COMMD1: variants seen among roughly 807,000 people sequenced by gnomAD.
The protein encoded by COMMD1 is COMM domain-containing protein 1.
A neutral mutation model predicts 17.2 loss-of-function variants in COMMD1; 10 were observed. That is an observed-to-expected ratio of 0.58 (90% CI 0.36 to 0.99). COMMD1 has a LOEUF of 0.99. Ranked by LOEUF, COMMD1 falls within the 50% of genes least tolerant of loss-of-function variation. COMMD1 has a pLI of 0.01. For missense variants in COMMD1, 270 were observed against 231.8 expected (o/e 1.17, Z -1.07); for synonymous variants, 97 against 91.6 (o/e 1.06, Z -0.34).
rs151332009 is a variant in COMMD1, at chr2:62,080,439, C to T, written c.463-55392C>T. On this transcript the variant is annotated intron_variant, in intron 2 of 2. Coordinates refer to ENST00000311832, the MANE Select transcript of COMMD1 (RefSeq NM_152516.4). ...CTGTTCTGTATACTTGGTGTTTGTTCGTTGGTGCCTGAGATGTACATTTGG... is the reference window on the plus strand; with the variant it reads ...CTGTTCTGTATACTTGGTGTTTGTTTGTTGGTGCCTGAGATGTACATTTGG... Among the ~76,000 whole-genome samples, 316 of 152,122 alleles carry T rather than the reference C, an allele frequency of 2.1e-3. 2 individuals carry two copies. Among genetic ancestry groups the T allele is most frequent in the African/African-American group, 7.1e-3 (295 of 41,496 alleles).
At chr2:61,895,883 A>AG (rs1003489927) in intron 1 of COMMD1, among the ~76,000 whole-genome samples, 1 of 152,152 alleles carries the variant, frequency 6.6e-6, no homozygotes, top group African/African-American at 2.4e-5. Context: ...CCAAGGTCCT[A>AG]GGGGCAGTCC....
At chr2:61,999,638 A>G (rs1436720602) in intron 1 of COMMD1, among the ~76,000 whole-genome samples, 1 of 152,116 alleles carries the variant, frequency 6.6e-6, no homozygotes, top group Non-Finnish European at 1.5e-5. Context: ...TGTGTTGCCC[A>G]GGCTGGACTC....
intron 1 of COMMD1, among the ~76,000 whole-genome samples, chr2:61,947,849 C>A (rs960275074): frequency 6.7e-6 from 1 of 150,188 alleles, no homozygotes; most frequent in Non-Finnish European, 1.5e-5. Context: ...CAGGGCCTGT[C>A]TTATTTCTAC....
chr2:61,957,087 CGT>C (rs10679710), intron 1 of COMMD1, among the ~76,000 whole-genome samples: 3,661 of 146,870 alleles, frequency 0.025, 67 homozygotes, highest in East Asian at 0.084. Flanking sequence ...AAGATGGATG[CGT>C]GTGTGTGTGT....
chr2:62,066,386 G>A (rs149050230), intron 2 of COMMD1, among the ~76,000 whole-genome samples: 1 of 151,984 alleles, frequency 6.6e-6, no homozygotes, highest in African/African-American at 2.4e-5. Flanking sequence ...TTTGACTACA[G>A]CCGCTTCACT....
chr2:62,011,900 T>A (rs1242714687), intron 2 of COMMD1, among the ~76,000 whole-genome samples: 1 of 152,128 alleles, frequency 6.6e-6, no homozygotes, highest in Non-Finnish European at 1.5e-5. Context: ...ACAAAAAAGT[T>A]GATACAGGCA....
chr2:62,008,234 G>T (rs749318103), intron 2 of COMMD1, among the ~76,000 whole-genome samples: 5 of 152,140 alleles, frequency 3.3e-5, no homozygotes, highest in Non-Finnish European at 7.4e-5. Context: ...GCTTGGTCAT[G>T]TACCACTGTA....
intron 2 of COMMD1, among the ~76,000 whole-genome samples, chr2:62,083,801 A>G (rs556139965): frequency 4.7e-4 from 71 of 152,368 alleles, no homozygotes; most frequent in African/African-American, 1.5e-3. Context: ...AGTGTATAGT[A>G]TAAGGGATCC....
chr2:61,958,928 C>T (rs1017961009), intron 1 of COMMD1, among the ~76,000 whole-genome samples: 23 of 152,066 alleles, frequency 1.5e-4, no homozygotes, highest in African/African-American at 2.9e-4. Flanking sequence ...GTTATTTATT[C>T]GGGCCTTTTC....
At chr2:61,945,187 A>G (rs1251257968) in intron 1 of COMMD1, among the ~76,000 whole-genome samples, 1 of 152,208 alleles carries the variant, frequency 6.6e-6, no homozygotes, top group Non-Finnish European at 1.5e-5. Flanking sequence ...CAGTTCAGCT[A>G]CTTACCTAGG....
chr2:61,924,080 A>G (rs1323300197), intron 1 of COMMD1, among the ~76,000 whole-genome samples: 1 of 152,156 alleles, frequency 6.6e-6, no homozygotes, highest in Non-Finnish European at 1.5e-5. Context: ...CCCAGTCTAG[A>G]AAGAGAATTT....
At chr2:62,085,221 ATTT>A (rs36006181) in intron 2 of COMMD1, among the ~76,000 whole-genome samples, 165 of 144,446 alleles carry the variant, frequency 1.1e-3, no homozygotes, top group Admixed American at 2.1e-3. Flanking sequence ...TACAGTTTGA[ATTT>A]TTTTTTTTTT....
intron 1 of COMMD1, among the ~76,000 whole-genome samples, chr2:61,939,760 T>G (rs940306261): frequency 7.2e-5 from 11 of 152,166 alleles, no homozygotes; most frequent in African/African-American, 2.4e-4. Flanking sequence ...TTTTGGACCG[T>G]TCTTTAACCA....
At chr2:62,052,803 G>C (rs542840850) in intron 2 of COMMD1, among the ~76,000 whole-genome samples, 1 of 152,282 alleles carries the variant, frequency 6.6e-6, no homozygotes, top group African/African-American at 2.4e-5. Flanking sequence ...GCCTGGATGT[G>C]GTGGCTCACG....
chr2:61,925,337 C>T (rs558749868), intron 1 of COMMD1, among the ~76,000 whole-genome samples: 1 of 152,060 alleles, frequency 6.6e-6, no homozygotes, highest in Non-Finnish European at 1.5e-5. Flanking sequence ...GCCGGCTGCT[C>T]CATCACAGAC....
chr2:61,933,276 C>T (rs1340280291), intron 1 of COMMD1, among the ~76,000 whole-genome samples: 1 of 151,890 alleles, frequency 6.6e-6, no homozygotes, highest in African/African-American at 2.4e-5. Context: ...CTGCTTGTAT[C>T]CCCATTGCTT....
intron 1 of COMMD1, among the ~76,000 whole-genome samples, chr2:61,983,593 A>T (rs1432076866): frequency 6.6e-6 from 1 of 152,090 alleles, no homozygotes; most frequent in Non-Finnish European, 1.5e-5. Context: ...GTGTCTAGGA[A>T]TTTATCCATT....
chr2:61,923,345 G>T lies in COMMD1; in HGVS notation c.180+17487G>T, dbSNP rs544349138. On this transcript the variant is annotated intron_variant, in intron 1 of 2. Coordinates refer to ENST00000311832, the MANE Select transcript of COMMD1 (RefSeq NM_152516.4). ...TTCATTCCTATATACATTAAACTATGTGCAAAGTATTGTGCTAAGTATTGA... is the reference window on the plus strand; with the variant it reads ...TTCATTCCTATATACATTAAACTATTTGCAAAGTATTGTGCTAAGTATTGA... Among the ~76,000 whole-genome samples, 3 of 152,138 alleles carry T rather than the reference G, an allele frequency of 2.0e-5. No individual in the cohort carries two copies. The East Asian group carries it at 5.8e-4, about 29-fold the overall frequency.
chr2:62,001,227 T>G, intron 2 of COMMD1: 1 of 490,668 alleles, frequency 2.0e-6, no homozygotes, highest in Non-Finnish European at 3.7e-6. Context: ...ATGTGATTGC[T>G]CAGAAGCTGA....
Sources: gnomAD v4.1 joint callset for allele counts (sites outside exome capture counted in the v4.1 genomes callset) on GRCh38, gnomAD v4.1.1 for gene constraint, MANE v1.5 for transcripts, NCBI Gene and HGNC (gene_info 2026-07-23, HGNC 2026-07-21) for gene names.